Variants in HMCN1 observed in about 807,000 individuals in gnomAD.
The protein encoded by HMCN1 is hemicentin 1.
A neutral mutation model predicts 625.9 loss-of-function variants in HMCN1; 321 were observed. The ratio of observed to expected loss-of-function variants is 0.51; its 90% CI spans 0.47 to 0.56. The LOEUF is 0.56. Among genes scored for constraint, HMCN1 ranks in the 20% least tolerant of loss-of-function variants. The pLI, the probability that HMCN1 is intolerant of heterozygous loss-of-function variation, is 0.00. For synonymous variants in HMCN1, 2,425 were observed against 2,417.6 expected (o/e 1.00, Z -0.09); for missense variants, 6,588 against 6,887.3 (o/e 0.96, Z 1.54).
At chr1:185,744,818 A>G (rs893648660) in intron 1 of HMCN1, among the ~76,000 whole-genome samples, 4 of 152,210 alleles carry the variant, frequency 2.6e-5, no homozygotes, top group African/African-American at 9.7e-5. Flanking sequence ...CCTGAAAGCT[A>G]TCAGGAGCCT....
intron 95 of HMCN1, among the ~76,000 whole-genome samples, chr1:186,151,981 TTC>T (rs1199723043): frequency 2.6e-5 from 4 of 152,200 alleles, no homozygotes; most frequent in Non-Finnish European, 5.9e-5. Context: ...TCCTCTTTTC[TTC>T]TTTTTAAAAA....
intron 97 of HMCN1, among the ~76,000 whole-genome samples, chr1:186,164,288 G>A (rs538121929): frequency 1.4e-5 from 2 of 142,332 alleles, no homozygotes; most frequent in South Asian, 4.4e-4. Context: ...CCCCCAGGCT[G>A]GAGTGCAGTG....
At chr1:185,798,184 A>G (rs1419154310) in intron 1 of HMCN1, among the ~76,000 whole-genome samples, 2 of 152,094 alleles carry the variant, frequency 1.3e-5, no homozygotes, top group African/African-American at 4.8e-5. Flanking sequence ...AGAATGCAAC[A>G]TTCATGGTGG....
intron 36 of HMCN1, among the ~76,000 whole-genome samples, chr1:186,032,629 C>G (rs1655532062): frequency 6.6e-6 from 1 of 152,066 alleles, no homozygotes; most frequent in Non-Finnish European, 1.5e-5. Flanking sequence ...CTGAGGCCTC[C>G]CCAGCCATGC....
At chr1:185,864,063 G>A (rs1379143422) in intron 2 of HMCN1, among the ~76,000 whole-genome samples, 1 of 152,150 alleles carries the variant, frequency 6.6e-6, no homozygotes, top group Non-Finnish European at 1.5e-5. Flanking sequence ...CTGCAGATGG[G>A]TTAACAGGTA....
Position 186,078,123 on chromosome 1 carries a change from G to T in HMCN1, c.8502G>T (p.Gln2834His). Residue 2834 changes from glutamine (Q) to histidine (H), a missense_variant, in exon 55 of 107, where the codon CAG becomes CAT. Coordinates refer to ENST00000271588, the MANE Select transcript of HMCN1 (RefSeq NM_031935.3). ...TATTTTCAGGAGGGCGAGTGTTGCA[G>T]ATTCCTCGGGCTAAAGTAGAAGATG... ...VLILPGGRVLQIPRAKVEDAG... is the reference protein window; with the variant it reads ...VLILPGGRVLHIPRAKVEDAG... 1 of 1,613,470 alleles carries T rather than the reference G, an allele frequency of 6.2e-7. No homozygotes were observed. Among genetic ancestry groups the T allele is most frequent in the African/African-American group, 1.3e-5 (1 of 75,018 alleles).
chr1:185,857,137 G>A (rs377378075), intron 2 of HMCN1, among the ~76,000 whole-genome samples: 9 of 152,010 alleles, frequency 5.9e-5, no homozygotes, highest in East Asian at 1.9e-4. Flanking sequence ...AATTATCACC[G>A]TAACTCTGAA....
At chr1:185,886,975 T>G (rs1158621816) in intron 4 of HMCN1, among the ~76,000 whole-genome samples, 1 of 152,144 alleles carries the variant, frequency 6.6e-6, no homozygotes, top group Non-Finnish European at 1.5e-5. Flanking sequence ...CCACTCTAAT[T>G]AGGCTAGCTT....
At chr1:186,132,212 C>T (rs1270009503) in intron 85 of HMCN1, 116 bp from the exon 86 acceptor site, 1 of 751,016 alleles carries the variant, frequency 1.3e-6, no homozygotes, top group Non-Finnish European at 2.4e-6. Flanking sequence ...TTTCTTATTT[C>T]CATTAAAATT....
In HMCN1 at chr1:186,016,988, T is replaced by C; in HGVS notation, c.5217T>C (p.Asp1739=). 1 of 1,606,182 alleles carries C rather than the reference T, an allele frequency of 6.2e-7. No homozygotes were observed. Among genetic ancestry groups the C allele is most frequent in the South Asian group, 1.1e-5 (1 of 90,944 alleles). The change falls in exon 33 of 107, where the codon GAT becomes GAC. Residue 1739 remains aspartate, a synonymous_variant. Coordinates refer to ENST00000271588, the MANE Select transcript of HMCN1 (RefSeq NM_031935.3). The part of the protein sequence containing the change: ...VLVPPAIEGG[D]ETSYFIVMVN... The stretch of plus-strand genomic sequence containing the variant: ...TGCCACCAGCTATAGAAGGAGGAGA[T>C]GAAACATCTTACTTCATTGTGATGG...
intron 82 of HMCN1, among the ~76,000 whole-genome samples, chr1:186,126,145 A>G (rs1054711906): frequency 1.3e-5 from 2 of 152,058 alleles, no homozygotes; most frequent in Non-Finnish European, 2.9e-5. Flanking sequence ...TATATTTTCA[A>G]TTCTTTAGTG....
chr1:186,001,497 A>G (rs1653196996), intron 27 of HMCN1, 69 bp downstream of exon 27: 1 of 1,597,908 alleles, frequency 6.3e-7, no homozygotes, highest in Non-Finnish European at 8.6e-7. Context: ...TCAGATGTTC[A>G]TTTCTTACTA....
intron 11 of HMCN1, among the ~76,000 whole-genome samples, chr1:185,939,587 C>A (rs1420172965): frequency 6.6e-6 from 1 of 152,078 alleles, no homozygotes; most frequent in Non-Finnish European, 1.5e-5. Context: ...TAAATCATTT[C>A]ATACTTTTCT....
chr1:185,945,788 G>A (rs568521885), intron 11 of HMCN1, among the ~76,000 whole-genome samples: 1 of 152,220 alleles, frequency 6.6e-6, no homozygotes, highest in African/African-American at 2.4e-5. Flanking sequence ...CTTGCTAAGA[G>A]TGGAGGACCC....
At chr1:185,980,586 T>C (rs1651548705) in intron 16 of HMCN1, among the ~76,000 whole-genome samples, 1 of 151,102 alleles carries the variant, frequency 6.6e-6, no homozygotes, top group South Asian at 2.1e-4. Flanking sequence ...TGCAAACTTC[T>C]AACAGGGTGG....
At chr1:185,839,001 T>C (rs575580579) in intron 1 of HMCN1, among the ~76,000 whole-genome samples, 43 of 152,348 alleles carry the variant, frequency 2.8e-4, no homozygotes, top group Non-Finnish European at 5.6e-4. Flanking sequence ...ATAAATATGG[T>C]TTTGTTTTCT....
At chr1:186,096,677 T>C (rs1660153257) in intron 68 of HMCN1, among the ~76,000 whole-genome samples, 2 of 152,138 alleles carry the variant, frequency 1.3e-5, no homozygotes, top group African/African-American at 4.8e-5. Context: ...TTCGACAGTA[T>C]ATTGAAAAGA....
Position 186,086,251 on chromosome 1 carries a change from C to T in HMCN1, c.8890C>T (p.Pro2964Ser), listed in dbSNP as rs747437857. The change falls in exon 58 of 107, where the codon CCA (proline) becomes TCA (serine). Residue 2964 changes from proline (P) to serine (S), a missense_variant. Transcript: ENST00000271588. ...KYFNLNVHVP[P>S]SVIGPKSENL... ...TAATATATTTACTATTATAGTTCCT[C>T]CAAGTGTCATTGGTCCTAAATCTGA... The T allele has an allele frequency of 1.9e-6, 3 of 1,610,572 alleles. No individual in the cohort carries two copies. The highest frequency in any genetic ancestry group is 2.2e-5 in the East Asian group (1 of 44,822).
chr1:186,023,026 T>G lies in HMCN1; in HGVS notation c.5626-4T>G. ...AATCCTCTGTGCTTTCTGCTCCCAA[T>G]TAGATACAGTCTTCTGGTCGAGTTC... is the stretch of plus-strand genomic sequence containing the variant. On this transcript the variant is annotated splice_polypyrimidine_tract_variant and splice_region_variant and intron_variant, in intron 35 of 106. Coordinates refer to ENST00000271588, the MANE Select transcript of HMCN1 (RefSeq NM_031935.3). 2 of 1,613,244 alleles carry G rather than the reference T, an allele frequency of 1.2e-6. No homozygotes were observed. Among genetic ancestry groups the G allele is most frequent in the Non-Finnish European group, 8.5e-7 (1 of 1,179,334 alleles).
Sources: allele counts gnomAD v4.1 joint callset (sites outside exome capture counted in the v4.1 genomes callset), GRCh38; gene constraint gnomAD v4.1.1; transcripts MANE v1.5; gene names NCBI Gene and HGNC (gene_info 2026-07-23, HGNC 2026-07-21).